PDE4B: variants seen among roughly 807,000 people sequenced by gnomAD.
PDE4B encodes 3',5'-cyclic-AMP phosphodiesterase 4B.
A neutral mutation model predicts 82.2 loss-of-function variants in PDE4B; 20 were observed. That is an observed-to-expected ratio of 0.24 (90% confidence interval 0.17 to 0.35). The LOEUF (loss-of-function observed/expected upper bound fraction) is 0.35. PDE4B is among the 10% of genes least tolerant of loss of function. The pLI, the probability that PDE4B is intolerant of heterozygous loss-of-function variation, is 1.00. For synonymous variants in PDE4B, 320 were observed against 318.9 expected, an observed-to-expected ratio of 1.00 and a Z score of -0.04; for missense variants, 655 against 907.2, an observed-to-expected ratio of 0.72 and a Z score of 3.57.
chr1:65,951,929 A>T (rs1044925873), intron 3 of PDE4B, among the ~76,000 whole-genome samples: 3 of 152,042 alleles, frequency 2.0e-5, no homozygotes, highest in Admixed American at 6.6e-5. Context: ...GCAATGGAGG[A>T]TGAATATCCC....
chr1:65,862,056 A>G (rs939126564), intron 1 of PDE4B, among the ~76,000 whole-genome samples: 2 of 148,288 alleles, frequency 1.3e-5, no homozygotes, highest in Non-Finnish European at 1.5e-5. Flanking sequence ...CTCTTGCTTG[A>G]TTGACCTGCC....
At chr1:65,924,506 T>C (rs1033316834) in intron 3 of PDE4B, among the ~76,000 whole-genome samples, 2 of 152,226 alleles carry the variant, frequency 1.3e-5, no homozygotes, top group Non-Finnish European at 2.9e-5. Context: ...TGTTATGTGG[T>C]TTTCTATTCC....
chr1:65,906,294 A>G (rs1647027143), intron 1 of PDE4B, among the ~76,000 whole-genome samples: 1 of 152,100 alleles, frequency 6.6e-6, no homozygotes. Context: ...AATCCATCCT[A>G]AACCTCCACT....
At chr1:66,310,704 TG>T (rs1324924369) in intron 7 of PDE4B, among the ~76,000 whole-genome samples, 2 of 152,176 alleles carry the variant, frequency 1.3e-5, no homozygotes, top group Non-Finnish European at 2.9e-5. Context: ...CTGCCCCCAC[TG>T]TACAGCTACG....
intron 3 of PDE4B, among the ~76,000 whole-genome samples, chr1:65,933,616 C>G (rs190066627): frequency 1.3e-5 from 2 of 151,828 alleles, no homozygotes; most frequent in East Asian, 3.9e-4. Context: ...TGCATTGAGC[C>G]GAGATCATCG....
intron 3 of PDE4B, among the ~76,000 whole-genome samples, chr1:66,157,359 T>G (rs1221159834): frequency 6.6e-6 from 1 of 152,214 alleles, no homozygotes; most frequent in Non-Finnish European, 1.5e-5. Flanking sequence ...TAGCTCCTTT[T>G]GCAGTGCAGC....
At chr1:66,310,239 T>G (rs1172879115) in intron 7 of PDE4B, among the ~76,000 whole-genome samples, 1 of 152,204 alleles carries the variant, frequency 6.6e-6, no homozygotes. Context: ...CACCCACATT[T>G]CATAGCAGAA....
chr1:66,358,123 T>C lies in PDE4B; in HGVS notation c.841+2503T>C, dbSNP rs150798762. Among the ~76,000 whole-genome samples, 18 of 152,254 alleles carry C rather than the reference T, an allele frequency of 1.2e-4. 1 individual carries two copies. The South Asian group carries it at 3.1e-3, about 26-fold the overall frequency. On this transcript the variant is annotated intron_variant, in intron 9 of 16. Transcript: ENST00000341517. The stretch of plus-strand genomic sequence containing the variant: ...CTTGTAGTCCAATTCCCTCATTTTA[T>C]AGGAGAGAAAACAGGGGACCCAGAG...
intron 3 of PDE4B, among the ~76,000 whole-genome samples, chr1:66,156,728 C>T (rs1054804741): frequency 6.6e-6 from 1 of 152,178 alleles, no homozygotes; most frequent in Non-Finnish European, 1.5e-5. Flanking sequence ...GTTCCCACAA[C>T]TTCACTGAAA....
At position 65,847,184 on chromosome 1, in the gene PDE4B, G is replaced by A. The variant is rs529444765; in HGVS notation, c.-71+53936G>A. Among the ~76,000 whole-genome samples the A allele has an allele frequency of 3.3e-5, 5 of 152,292 alleles. No homozygotes were observed. The South Asian group carries it at 6.2e-4, about 19-fold the overall frequency. ...TAATAATAACAACAATATATAACAT[G>A]TATTGAGCTCTTACTATATGTCTTC... is the stretch of plus-strand genomic sequence containing the variant. On this transcript the variant is annotated intron_variant, in intron 1 of 16. Transcript: ENST00000341517.
At chr1:66,191,504 C>A (rs1647800734) in intron 3 of PDE4B, among the ~76,000 whole-genome samples, 1 of 152,094 alleles carries the variant, frequency 6.6e-6, no homozygotes, top group African/African-American at 2.4e-5. Context: ...TCTTAATTCA[C>A]ATCAAAGTAA....
rs563486558 is a variant in PDE4B, at chr1:66,202,329, T to C, written c.282-45131T>C. On this transcript the variant is annotated intron_variant, in intron 3 of 16. Transcript: ENST00000341517. ...TGAAAAGAATGTATATTCTGTTGATTTGGGGTGGAGAGTTCTGTAGATATC... is the reference window on the plus strand; with the variant it reads ...TGAAAAGAATGTATATTCTGTTGATCTGGGGTGGAGAGTTCTGTAGATATC... Among the ~76,000 whole-genome samples the C allele has an allele frequency of 9.2e-5, 14 of 152,244 alleles. No individual in the cohort carries two copies. The East Asian group carries it at 1.5e-3, about 17-fold the overall frequency.
At chr1:66,131,629 A>G (rs1012792265) in intron 3 of PDE4B, among the ~76,000 whole-genome samples, 1 of 121,994 alleles carries the variant, frequency 8.2e-6, no homozygotes, top group Non-Finnish European at 1.7e-5. Flanking sequence ...ATATATATAT[A>G]TATATATATT....
intron 1 of PDE4B, among the ~76,000 whole-genome samples, chr1:65,851,915 T>C (rs1268093762): frequency 2.0e-5 from 3 of 152,006 alleles, no homozygotes; most frequent in Non-Finnish European, 4.4e-5. Flanking sequence ...CTTCTTCTAT[T>C]GATAGTTTTC....
At chr1:66,135,172 A>G (rs910624300) in intron 3 of PDE4B, among the ~76,000 whole-genome samples, 5 of 152,362 alleles carry the variant, frequency 3.3e-5, no homozygotes, top group African/African-American at 1.2e-4. Flanking sequence ...ACATATCAAT[A>G]TAGCTGGCAC....
chr1:66,370,150 C>CAAAAAAAAAAAAA (rs752920376), intron 16 of PDE4B, among the ~76,000 whole-genome samples: 5 of 28,650 alleles, frequency 1.7e-4, no homozygotes, highest in Admixed American at 4.6e-4. Context: ...GACTCTATCT[C>CAAAAAAAAAAAAA]AAAAAAAAAA....
Position 65,893,676 on chromosome 1 carries a change from A to G in PDE4B, c.-70-19569A>G, listed in dbSNP as rs1646876875. On this transcript the variant is annotated intron_variant, in intron 1 of 16. Transcript: ENST00000341517. ...TCTACCCAAAGGAAAAGTAATCATT[A>G]TATGAAACATGCACACATGTTTATA... Among the ~76,000 whole-genome samples the G allele has an allele frequency of 3.1e-5, 3 of 98,284 alleles. No homozygotes were observed. In the South Asian group the frequency reaches 1.5e-3, roughly 51 times the overall value. The allele number at this position is 98,284 out of a possible 152,430, so 64.5% of individuals were successfully genotyped here. A position where few individuals can be genotyped will look rare whatever the true frequency, so the allele number is the denominator to read the frequency against.
At chr1:66,359,230 G>C (rs1662559929) in intron 9 of PDE4B, among the ~76,000 whole-genome samples, 1 of 152,208 alleles carries the variant, frequency 6.6e-6, no homozygotes, top group African/African-American at 2.4e-5. Context: ...TTGCATAATT[G>C]AAAAGTGTGA....
chr1:66,244,725 T>C (rs1175650622), intron 3 of PDE4B, among the ~76,000 whole-genome samples: 1 of 152,236 alleles, frequency 6.6e-6, no homozygotes. Flanking sequence ...CTAAGACTGC[T>C]TCTTTGCATC....
Sources: gnomAD v4.1 joint callset for allele counts (sites outside exome capture counted in the v4.1 genomes callset) on GRCh38, gnomAD v4.1.1 for gene constraint, MANE v1.5 for transcripts, NCBI Gene and HGNC (gene_info 2026-07-23, HGNC 2026-07-21) for gene names.